The following BMPR2 variants were observed in gnomAD, a reference collection of about 807,000 sequenced individuals.
BMPR2 encodes the protein bone morphogenetic protein receptor type 2.
BMPR2 carries 29 observed loss-of-function variants against 100.8 expected under a neutral mutation model. The ratio of observed to expected loss-of-function variants is 0.29; its 90% CI spans 0.21 to 0.39. The LOEUF is 0.39. BMPR2 is among the 10% of genes least tolerant of loss of function. The pLI is 1.00. For missense variants in BMPR2, 1,011 were observed against 1,274.5 expected, an observed-to-expected ratio of 0.79 and a Z score of 3.15; for synonymous variants, 382 against 442.3, an observed-to-expected ratio of 0.86 and a Z score of 1.71.
intron 3 of BMPR2, among the ~76,000 whole-genome samples, chr2:202,482,791 G>A (rs966531282): frequency 4.6e-5 from 7 of 151,868 alleles, no homozygotes; most frequent in African/African-American, 1.7e-4. Flanking sequence ...CACCTGCCTC[G>A]GCCTCTCAAA....
At chr2:202,440,900 G>T (rs1339679062) in intron 1 of BMPR2, among the ~76,000 whole-genome samples, 3 of 150,462 alleles carry the variant, frequency 2.0e-5, no homozygotes, top group Non-Finnish European at 1.5e-5. Flanking sequence ...ATCATGAAAT[G>T]GTGTTGTATA....
chr2:202,448,911 T>C (rs1379956451), intron 1 of BMPR2, among the ~76,000 whole-genome samples: 1 of 149,300 alleles, frequency 6.7e-6, no homozygotes, highest in Non-Finnish European at 1.5e-5. Flanking sequence ...GATTATTTTG[T>C]CAGTTTAGAA....
rs1264081314 is a variant in BMPR2 at position 202,495,665 on chromosome 2, A to C, written c.419-18054A>C. Reference sequence around the variant, plus strand: ...CCTAGTCAGGGACGCACCTTTCTCTACCCATTACTTACCTCCCCACTTCCG... The same window carrying C: ...CCTAGTCAGGGACGCACCTTTCTCTCCCCATTACTTACCTCCCCACTTCCG... On this transcript the variant is annotated intron_variant, in intron 3 of 12. Coordinates refer to ENST00000374580, the MANE Select transcript of BMPR2 (RefSeq NM_001204.7). The surrounding 1 kb of genome is among the most constrained non-coding windows in gnomAD (Gnocchi z 4.5). Among the ~76,000 whole-genome samples, 1 of 151,400 alleles carries C rather than the reference A, an allele frequency of 6.6e-6. No individual in the cohort carries two copies. Among genetic ancestry groups the C allele is most frequent in the East Asian group, 1.9e-4 (1 of 5,142 alleles).
intron 12 of BMPR2, 40 bp downstream of exon 12, chr2:202,556,571 TG>T: frequency 6.3e-7 from 1 of 1,596,478 alleles, no homozygotes; most frequent in Non-Finnish European, 8.5e-7. Flanking sequence ...GTGTGTCTTT[TG>T]GGGCCATTTA....
chr2:202,399,366 G>T (rs910461035), intron 1 of BMPR2, among the ~76,000 whole-genome samples: 2 of 152,120 alleles, frequency 1.3e-5, no homozygotes, highest in African/African-American at 4.8e-5. Flanking sequence ...GTAAAGGCTA[G>T]GAGGTAAGAA....
intron 1 of BMPR2, among the ~76,000 whole-genome samples, chr2:202,450,938 G>C (rs1027725167): frequency 2.6e-5 from 4 of 152,102 alleles, no homozygotes; most frequent in African/African-American, 9.7e-5. Context: ...CAGCTATTTA[G>C]TTATTTGCCC....
At chr2:202,552,036 G>A (rs560126677) in intron 10 of BMPR2, among the ~76,000 whole-genome samples, 2 of 152,222 alleles carry the variant, frequency 1.3e-5, no homozygotes, top group Middle Eastern at 3.4e-3. Context: ...TGTATTTTTA[G>A]TAGAGACGAG....
At position 202,377,496 on chromosome 2, in the gene BMPR2, C is replaced by A; in HGVS notation, c.22C>A (p.Pro8Thr). Residue 8 changes from proline (P) to threonine (T), a missense_variant, in exon 1 of 13, where the codon CCC becomes ACC. Around this residue, in one of 6 missense-constraint regions of BMPR2, gnomAD observed 355 missense variants for 455.3 expected, o/e 0.78. Coordinates refer to ENST00000374580, the MANE Select transcript of BMPR2 (RefSeq NM_001204.7). The stretch of plus-strand genomic sequence containing the variant: ...AGGGATGACTTCCTCGCTGCAGCGG[C>A]CCTGGCGGGTGCCCTGGCTACCATG... MTSSLQR[P>T]WRVPWLPWTI... 1 of 1,614,252 alleles carries A rather than the reference C, an allele frequency of 6.2e-7. No individual in the cohort carries two copies. The highest frequency in any genetic ancestry group is 1.3e-5 in the African/African-American group (1 of 75,064).
chr2:202,535,020 TG>T (rs1403550394), intron 9 of BMPR2, among the ~76,000 whole-genome samples: 3 of 133,644 alleles, frequency 2.2e-5, no homozygotes, highest in Non-Finnish European at 3.2e-5. Context: ...ACGGGTCGGC[TG>T]GCCGGGCGGG....
Position 202,562,305 on chromosome 2 carries a change from T to C in BMPR2, c.*2359T>C, listed in dbSNP as rs890771540. ...TATTGGGAAAATTATGATAAAATGC[T>C]TTAAAAATTAATATGCCAGATTAAA... is the stretch of plus-strand genomic sequence containing the variant. On this transcript the variant is annotated 3_prime_UTR_variant, in exon 13 of 13. Coordinates refer to ENST00000374580, the MANE Select transcript of BMPR2 (RefSeq NM_001204.7). The C allele has an allele frequency of 6.6e-6, 1 of 152,608 alleles. No individual in the cohort carries two copies. The highest frequency in any genetic ancestry group is 1.5e-5 in the Non-Finnish European group (1 of 68,008). The allele number at this position is 152,608 out of a possible 1,614,324, so 9.5% of individuals were successfully genotyped here.
intron 1 of BMPR2, among the ~76,000 whole-genome samples, chr2:202,387,430 G>A (rs1358649941): frequency 6.6e-6 from 1 of 152,168 alleles, no homozygotes; most frequent in Non-Finnish European, 1.5e-5. Context: ...GGGACACTTG[G>A]GAATCAAGGT....
chr2:202,441,069 C>T lies in BMPR2; in HGVS notation c.77-23740C>T, dbSNP rs559309327. Among the ~76,000 whole-genome samples, 6 of 150,268 alleles carry T rather than the reference C, an allele frequency of 4.0e-5. 1 individual carries two copies. Among genetic ancestry groups the T allele is most frequent in the African/African-American group, 1.5e-4 (6 of 39,684 alleles). Reference sequence around the variant, plus strand: ...AATCTTGGCTCACTGCAACGTCTCCCTCCTGGGTTCAAGCAAATCACCTTC... The same window carrying T: ...AATCTTGGCTCACTGCAACGTCTCCTTCCTGGGTTCAAGCAAATCACCTTC... On this transcript the variant is annotated intron_variant, in intron 1 of 12. Coordinates refer to ENST00000374580, the MANE Select transcript of BMPR2 (RefSeq NM_001204.7).
intron 12 of BMPR2, among the ~76,000 whole-genome samples, chr2:202,556,980 G>A (rs939632808): frequency 2.6e-5 from 4 of 151,560 alleles, no homozygotes; most frequent in African/African-American, 7.3e-5. Context: ...CCGAGATCAC[G>A]ACACTTCACT....
At chr2:202,378,058 G>A (rs1191911814) in intron 1 of BMPR2, among the ~76,000 whole-genome samples, 2 of 152,122 alleles carry the variant, frequency 1.3e-5, no homozygotes, top group African/African-American at 4.8e-5. Flanking sequence ...AAATGTTACC[G>A]AATGAATAGA....
At chr2:202,404,049 A>G (rs1419462546) in intron 1 of BMPR2, among the ~76,000 whole-genome samples, 4 of 151,636 alleles carry the variant, frequency 2.6e-5, no homozygotes, top group South Asian at 2.1e-4. Context: ...TTTACTTTCT[A>G]TATTTTATAT....
chr2:202,442,607 C>T (rs1338358622), intron 1 of BMPR2, among the ~76,000 whole-genome samples: 1 of 150,378 alleles, frequency 6.6e-6, no homozygotes, highest in East Asian at 1.9e-4. Flanking sequence ...ACTTCACCCT[C>T]CCTCTAGCTC....
intron 1 of BMPR2, among the ~76,000 whole-genome samples, chr2:202,417,640 C>T (rs1452639700): frequency 4.0e-5 from 6 of 151,460 alleles, no homozygotes; most frequent in South Asian, 2.1e-4. Context: ...ATGTACATTA[C>T]GTTTTTTGTT....
chr2:202,525,417 G>A (rs1687891907), intron 7 of BMPR2, among the ~76,000 whole-genome samples: 1 of 152,004 alleles, frequency 6.6e-6, no homozygotes. Context: ...AGATGGTCTC[G>A]ATCTCCTGAC....
At chr2:202,486,445 A>G (rs1374790509) in intron 3 of BMPR2, among the ~76,000 whole-genome samples, 2 of 152,140 alleles carry the variant, frequency 1.3e-5, no homozygotes. Flanking sequence ...CCTGGCCAAC[A>G]TGGCGAAACC....
Sources: allele counts gnomAD v4.1 joint callset (sites outside exome capture counted in the v4.1 genomes callset), GRCh38; gene constraint gnomAD v4.1.1; regional missense constraint gnomAD v4.1.1; non-coding constraint Gnocchi (gnomAD v3.1); transcripts MANE v1.5; gene names NCBI Gene and HGNC (gene_info 2026-07-23, HGNC 2026-07-21).